Variants in PTPRK observed in about 807,000 individuals in gnomAD.
PTPRK encodes the protein receptor-type tyrosine-protein phosphatase kappa.
PTPRK carries 75 observed loss-of-function variants against 178.0 expected under a neutral mutation model. The ratio of observed to expected loss-of-function variants is 0.42; its 90% confidence interval spans 0.35 to 0.51. The LOEUF is 0.51. Ranked by LOEUF, PTPRK falls within the 20% of genes least tolerant of loss-of-function variation. The probability of loss-of-function intolerance (pLI) is 0.02; values close to 1 mark genes in which losing one functional copy is unlikely to be tolerated. For missense variants in PTPRK, 1,441 were observed against 1,797.8 expected (o/e 0.80, Z 3.59); for synonymous variants, 637 against 620.6 (o/e 1.03, Z -0.39).
chr6:128,205,741 A>G (rs1007796568), intron 6 of PTPRK, among the ~76,000 whole-genome samples: 1 of 141,478 alleles, frequency 7.1e-6, no homozygotes, highest in Non-Finnish European at 1.5e-5. Flanking sequence ...ACTGAACTCT[A>G]GCCTGGACAA....
chr6:128,084,709 C>T (rs536024654), intron 8 of PTPRK, among the ~76,000 whole-genome samples: 32 of 152,142 alleles, frequency 2.1e-4, no homozygotes, highest in Admixed American at 1.3e-3. Context: ...CGTGTATTTT[C>T]CTTTTATATA....
At chr6:128,198,748 TAC>T (rs145027487) in intron 6 of PTPRK, among the ~76,000 whole-genome samples, 1 of 152,322 alleles carries the variant, frequency 6.6e-6, no homozygotes, top group East Asian at 1.9e-4. Context: ...CCTTTCTCAC[TAC>T]ACTCTCTTCA....
intron 1 of PTPRK, among the ~76,000 whole-genome samples, chr6:128,503,547 C>G: frequency 6.6e-6 from 1 of 152,190 alleles, no homozygotes; most frequent in Non-Finnish European, 1.5e-5. Context: ...GCTATATACA[C>G]TGCCTGGCAC....
chr6:128,316,145 C>G (rs745981446), intron 3 of PTPRK, among the ~76,000 whole-genome samples: 1 of 152,116 alleles, frequency 6.6e-6, no homozygotes, highest in African/African-American at 2.4e-5. Context: ...GATCAATGTA[C>G]GCTAAATAAT....
At chr6:128,443,217 A>C (rs978556281) in intron 1 of PTPRK, among the ~76,000 whole-genome samples, 1 of 152,218 alleles carries the variant, frequency 6.6e-6, no homozygotes, top group Non-Finnish European at 1.5e-5. Context: ...AAATATGCTC[A>C]GTCTAAATCA....
At chr6:128,023,029 G>C (rs536816967) in intron 13 of PTPRK, among the ~76,000 whole-genome samples, 1 of 152,242 alleles carries the variant, frequency 6.6e-6, no homozygotes, top group African/African-American at 2.4e-5. Context: ...CGCATTTTCT[G>C]CTTTAAAAAT....
chr6:128,208,717 A>G lies in PTPRK; in HGVS notation c.868+10205T>C, dbSNP rs147789981. Among the ~76,000 whole-genome samples, 11 of 152,178 alleles carry G rather than the reference A, an allele frequency of 7.2e-5. 1 individual carries two copies. The highest frequency in any genetic ancestry group is 6.5e-4 in the Admixed American group (10 of 15,270). On this transcript the variant is annotated intron_variant, in intron 6 of 29. Coordinates refer to ENST00000368226, the MANE Select transcript of PTPRK (RefSeq NM_002844.4). The stretch of plus-strand genomic sequence containing the variant: ...ATATAGGCTAAAGGCTATGAAATGG[A>G]AACTTAGGAAATACAAATAATTTCT...
At chr6:128,486,148 CTTTG>C (rs916365983) in intron 1 of PTPRK, among the ~76,000 whole-genome samples, 2 of 151,710 alleles carry the variant, frequency 1.3e-5, no homozygotes, top group Non-Finnish European at 2.9e-5. Flanking sequence ...ATTCTGTTAT[CTTTG>C]TTTTTTTAAA....
chr6:128,053,440 A>C (rs573735096), intron 13 of PTPRK, among the ~76,000 whole-genome samples: 1 of 150,584 alleles, frequency 6.6e-6, no homozygotes, highest in African/African-American at 2.4e-5. Flanking sequence ...TCAGAGTCTG[A>C]CTCCCCACCC....
chr6:128,402,660 A>G (rs1841182013), intron 1 of PTPRK, among the ~76,000 whole-genome samples: 1 of 152,244 alleles, frequency 6.6e-6, no homozygotes, highest in South Asian at 2.1e-4. Flanking sequence ...CTGAAGGTAC[A>G]AAATAAAAAC....
chr6:128,295,299 G>A (rs1824124461), intron 3 of PTPRK, among the ~76,000 whole-genome samples: 1 of 152,106 alleles, frequency 6.6e-6, no homozygotes, highest in Non-Finnish European at 1.5e-5. Context: ...CCACAAGACA[G>A]ATTTGGCCTG....
intron 7 of PTPRK, among the ~76,000 whole-genome samples, chr6:128,183,670 A>G (rs1032868811): frequency 1.3e-5 from 2 of 152,180 alleles, no homozygotes; most frequent in African/African-American, 2.4e-5. Flanking sequence ...AATAAACACT[A>G]CACTAAAAAT....
chr6:128,226,796 A>ATATATATATATATATG (rs1244431323), intron 5 of PTPRK, among the ~76,000 whole-genome samples: 3 of 128,786 alleles, frequency 2.3e-5, no homozygotes, highest in African/African-American at 8.4e-5. Flanking sequence ...ATATATATAT[A>ATATATATATATATATG]TATTTCAATA....
chr6:127,993,376 T>C (rs1380905067), intron 18 of PTPRK, among the ~76,000 whole-genome samples: 1 of 151,634 alleles, frequency 6.6e-6, no homozygotes, highest in Non-Finnish European at 1.5e-5. Flanking sequence ...TTTTTTTCAG[T>C]GTGCTAAAAG....
intron 13 of PTPRK, among the ~76,000 whole-genome samples, chr6:128,016,864 A>G (rs1779649799): frequency 6.6e-6 from 1 of 151,970 alleles, no homozygotes; most frequent in Non-Finnish European, 1.5e-5. Context: ...CTACACAGCC[A>G]CTTCTGTCCT....
intron 1 of PTPRK, among the ~76,000 whole-genome samples, chr6:128,481,046 T>C (rs1852006753): frequency 6.6e-6 from 1 of 151,814 alleles, no homozygotes; most frequent in South Asian, 2.1e-4. Context: ...TTTACTTTTA[T>C]ACACATTACA....
chr6:128,520,109 G>C, intron 1 of PTPRK, 150 bp downstream of exon 1: 1 of 629,554 alleles, frequency 1.6e-6, no homozygotes, highest in Admixed American at 3.1e-5. Flanking sequence ...CACGAACTCT[G>C]GGGACAGCCC....
Position 128,519,339 on chromosome 6 carries a change from T to A in PTPRK, c.100+920A>T, listed in dbSNP as rs1226829563. 6.6e-6 allele frequency among the ~76,000 whole-genome samples: 1 copy of A among 152,102 alleles called. No homozygotes were observed. The highest frequency in any genetic ancestry group is 2.4e-5 in the African/African-American group (1 of 41,408). ...CCGGGAGAGCCAGGGTTCACGGACT[T>A]CTCTGAGCGGCTTGACCGAGAACCC... On this transcript the variant is annotated intron_variant, in intron 1 of 29. Coordinates refer to ENST00000368226, the MANE Select transcript of PTPRK (RefSeq NM_002844.4). This position sits in a 1 kb window ranked among gnomAD's most constrained non-coding sequence, Gnocchi z 4.3.
chr6:128,417,266 T>C (rs1322206144), intron 1 of PTPRK, among the ~76,000 whole-genome samples: 1 of 152,042 alleles, frequency 6.6e-6, no homozygotes, highest in Non-Finnish European at 1.5e-5. Context: ...AGCCAAGAAG[T>C]TAAAATACCA....
Sources: gnomAD v4.1 joint callset for allele counts (sites outside exome capture counted in the v4.1 genomes callset) on GRCh38, gnomAD v4.1.1 for gene constraint, Gnocchi (gnomAD v3.1) non-coding constraint, MANE v1.5 for transcripts, NCBI Gene and HGNC (gene_info 2026-07-23, HGNC 2026-07-21) for gene names.